ATP2B1: variants seen among roughly 807,000 people sequenced by gnomAD.
The protein encoded by ATP2B1 is plasma membrane calcium-transporting ATPase 1.
A neutral mutation model predicts 124.2 loss-of-function variants in ATP2B1; 14 were observed. The ratio of observed to expected loss-of-function variants is 0.11; its 90% CI spans 0.07 to 0.18. The LOEUF is 0.18. Among genes scored for constraint, ATP2B1 ranks in the 10% least tolerant of loss-of-function variants. The pLI, the probability that ATP2B1 is intolerant of heterozygous loss-of-function variation, is 1.00. For synonymous variants in ATP2B1, 449 were observed against 492.4 expected (o/e 0.91, Z 1.17); for missense variants, 763 against 1,466.1 (o/e 0.52, Z 7.83).
chr12:89,643,789 T>C (rs1184350389), intron 2 of ATP2B1, among the ~76,000 whole-genome samples: 1 of 152,214 alleles, frequency 6.6e-6, no homozygotes, highest in Non-Finnish European at 1.5e-5. Flanking sequence ...TTTCCTTGTC[T>C]GTTTAAGAAT....
At chr12:89,631,779 T>C (rs1279086307) in intron 5 of ATP2B1, among the ~76,000 whole-genome samples, 2 of 152,102 alleles carry the variant, frequency 1.3e-5, no homozygotes, top group African/African-American at 4.8e-5. Context: ...GCATTACTAT[T>C]CTCATTTTCT....
intron 1 of ATP2B1, among the ~76,000 whole-genome samples, chr12:89,688,497 A>G (rs1010558668): frequency 6.6e-6 from 1 of 152,120 alleles, no homozygotes; most frequent in Non-Finnish European, 1.5e-5. Context: ...TAGCACTATG[A>G]TAAATGGACA....
intron 1 of ATP2B1, among the ~76,000 whole-genome samples, chr12:89,703,960 C>G (rs1892155474): frequency 6.6e-6 from 1 of 152,190 alleles, no homozygotes; most frequent in African/African-American, 2.4e-5. Context: ...TCTGCACTTT[C>G]AGTAACTCCC....
chr12:89,676,272 A>G (rs1888595440), intron 1 of ATP2B1, among the ~76,000 whole-genome samples: 1 of 152,170 alleles, frequency 6.6e-6, no homozygotes, highest in Admixed American at 6.6e-5. Flanking sequence ...AAAATCATGT[A>G]AGGTATTGCA....
Position 89,606,823 on chromosome 12 carries a change from G to A in ATP2B1, c.2443-2477C>T, listed in dbSNP as rs910867907. ...ATTCCTGACCTCAAGAGATCCACCC[G>A]CCTCGGCCTCCCAAAGTGCTGGGAT... On this transcript the variant is annotated intron_variant, in intron 15 of 20. Coordinates refer to ENST00000428670, the MANE Select transcript of ATP2B1 (RefSeq NM_001366521.1). Among the ~76,000 whole-genome samples the A allele has an allele frequency of 3.2e-4, 48 of 151,930 alleles. 1 individual carries two copies. Among genetic ancestry groups the A allele is most frequent in the African/African-American group, 1.1e-3 (46 of 41,438 alleles).
chr12:89,641,339 T>C (rs1883474815), intron 3 of ATP2B1, among the ~76,000 whole-genome samples: 2 of 152,346 alleles, frequency 1.3e-5, no homozygotes, highest in South Asian at 2.1e-4. Flanking sequence ...GGATACTCTG[T>C]ACAGGTTGAG....
At chr12:89,677,843 T>G (rs1271218995) in intron 1 of ATP2B1, among the ~76,000 whole-genome samples, 1 of 151,520 alleles carries the variant, frequency 6.6e-6, no homozygotes, top group African/African-American at 2.4e-5. Context: ...AAGACAAGTT[T>G]CAAATACCGT....
At position 89,589,237 on chromosome 12, in the gene ATP2B1, TCA is replaced by T. The variant is rs2135822212; in HGVS notation, c.*1745_*1746del. 1 of 152,670 alleles carries T rather than the reference TCA, an allele frequency of 6.6e-6. No individual in the cohort carries two copies. Among genetic ancestry groups the T allele is most frequent in the South Asian group, 2.1e-4 (1 of 4,830 alleles). The allele number at this position is 152,670 out of a possible 1,614,324, so 9.5% of individuals were successfully genotyped here. A position where few individuals can be genotyped will look rare whatever the true frequency, so the allele number is the denominator to read the frequency against. On this transcript the variant is annotated 3_prime_UTR_variant, in exon 21 of 21. Transcript: ENST00000428670. ...ATGTTTCTTTGCTTGGTCAGCACTCTCAGTTATAGTAGCAGTCCTCGTAAACT... is the reference window on the plus strand; with the variant it reads ...ATGTTTCTTTGCTTGGTCAGCACTCTGTTATAGTAGCAGTCCTCGTAAACT...
chr12:89,706,220 A>G (rs956566272), intron 1 of ATP2B1, among the ~76,000 whole-genome samples: 1 of 152,202 alleles, frequency 6.6e-6, no homozygotes, highest in Admixed American at 6.5e-5. Flanking sequence ...AACTTTGAAT[A>G]TAAGTACACC....
chr12:89,604,811 A>T (rs972122567), intron 15 of ATP2B1, among the ~76,000 whole-genome samples: 1 of 152,146 alleles, frequency 6.6e-6, no homozygotes, highest in Admixed American at 6.6e-5. Flanking sequence ...TCCTAATCCA[A>T]GTGTAGAGAA....
chr12:89,707,752 G>A (rs748171036), intron 1 of ATP2B1, among the ~76,000 whole-genome samples: 1 of 152,150 alleles, frequency 6.6e-6, no homozygotes, highest in African/African-American at 2.4e-5. Context: ...TGAATGAAAT[G>A]CGCACAGAGA....
At chr12:89,693,245 G>A (rs1890741440) in intron 1 of ATP2B1, among the ~76,000 whole-genome samples, 1 of 152,100 alleles carries the variant, frequency 6.6e-6, no homozygotes, top group South Asian at 2.1e-4. Flanking sequence ...TTAGGCAAGG[G>A]GAGTATGATT....
chr12:89,641,990 T>C (rs1784357288), intron 3 of ATP2B1, 168 bp downstream of exon 3: 5 of 667,796 alleles, frequency 7.5e-6, no homozygotes, highest in Middle Eastern at 8.3e-4. Context: ...ATCTAATTCA[T>C]AGGGTTACTG....
At chr12:89,700,867 G>GT (rs1891763479) in intron 1 of ATP2B1, among the ~76,000 whole-genome samples, 2 of 152,178 alleles carry the variant, frequency 1.3e-5, no homozygotes, top group Admixed American at 6.5e-5. Context: ...CAGTGCACCT[G>GT]TAAGGTCTCA....
At chr12:89,708,955 G>C (rs1000051988), upstream of ATP2B1, 10 of 151,676 alleles carry the variant, frequency 6.6e-5, no homozygotes, top group Admixed American at 2.6e-4. Context: ...CCTCGGCTCC[G>C]CAGAGCGGCA....
At chr12:89,666,560 C>T (rs546423330) in intron 1 of ATP2B1, among the ~76,000 whole-genome samples, 37 of 152,312 alleles carry the variant, frequency 2.4e-4, no homozygotes, top group African/African-American at 8.7e-4. Context: ...AAAATGCTTA[C>T]TTCTCAATGG....
intron 1 of ATP2B1, among the ~76,000 whole-genome samples, chr12:89,702,659 T>C (rs949115036): frequency 2.6e-5 from 4 of 152,232 alleles, no homozygotes; most frequent in African/African-American, 7.2e-5. Context: ...ACAGTAGTCA[T>C]GCCAGTTTAC....
At chr12:89,659,158 A>G (rs1886362614) in intron 1 of ATP2B1, among the ~76,000 whole-genome samples, 1 of 152,200 alleles carries the variant, frequency 6.6e-6, no homozygotes, top group South Asian at 2.1e-4. Flanking sequence ...CAGAACATCT[A>G]TTTTGCTTCT....
chr12:89,673,613 T>TA (rs1283344814), intron 1 of ATP2B1, among the ~76,000 whole-genome samples: 2 of 152,192 alleles, frequency 1.3e-5, no homozygotes, highest in African/African-American at 4.8e-5. Flanking sequence ...AGACAACAAA[T>TA]ACGACATCTT....
Sources: allele counts gnomAD v4.1 joint callset (sites outside exome capture counted in the v4.1 genomes callset), GRCh38; gene constraint gnomAD v4.1.1; transcripts MANE v1.5; gene names NCBI Gene and HGNC (gene_info 2026-07-23, HGNC 2026-07-21).